Variants in ELMO2 observed in about 807,000 individuals in gnomAD.
The protein encoded by ELMO2 is engulfment and cell motility 2, also known as engulfment and cell motility protein 2.
Under a neutral mutation model 96.2 loss-of-function variants are expected in ELMO2, and 37 were observed. The observed-to-expected ratio is 0.38, with a 90% CI of 0.30 to 0.51. The LOEUF (loss-of-function observed/expected upper bound fraction) is 0.51. Among genes scored for constraint, ELMO2 ranks in the 20% least tolerant of loss-of-function variants. The pLI, the probability that ELMO2 is intolerant of heterozygous loss-of-function variation, is 0.88. For synonymous variants in ELMO2, 315 were observed against 329.4 expected (o/e 0.96, Z 0.47); for missense variants, 561 against 912.6 (o/e 0.61, Z 4.96).
At chr20:46,388,902 A>G (rs182648395) in intron 7 of ELMO2, 137 bp downstream of exon 7, 203 of 795,312 alleles carry the variant, frequency 2.6e-4, no homozygotes, top group Non-Finnish European at 5.6e-5. Flanking sequence ...TATGGACTCT[A>G]GTGCTTGGCA....
intron 2 of ELMO2, among the ~76,000 whole-genome samples, chr20:46,398,098 C>T (rs1325156219): frequency 1.3e-5 from 2 of 152,126 alleles, no homozygotes; most frequent in South Asian, 2.1e-4. Flanking sequence ...AACTCTAAAA[C>T]GGAGGTCTGA....
At chr20:46,403,827 T>C (rs1023453668) in intron 1 of ELMO2, among the ~76,000 whole-genome samples, 1 of 152,214 alleles carries the variant, frequency 6.6e-6, no homozygotes, top group African/African-American at 2.4e-5. Context: ...CTCACGCCTG[T>C]AATCTCAGAA....
chr20:46,376,679 T>C, intron 11 of ELMO2: 4 of 1,289,542 alleles, frequency 3.1e-6, no homozygotes, highest in Non-Finnish European at 4.0e-6. Flanking sequence ...TCCCTTGTAT[T>C]TGTCACTCCC....
chr20:46,372,595 C>T (rs1038823678), intron 16 of ELMO2, among the ~76,000 whole-genome samples: 6 of 152,208 alleles, frequency 3.9e-5, no homozygotes, highest in African/African-American at 1.4e-4. Flanking sequence ...AGTGCCACTG[C>T]ACTCCAGCCT....
chr20:46,392,980 G>T, intron 6 of ELMO2, 113 bp downstream of exon 6: 2 of 943,816 alleles, frequency 2.1e-6, no homozygotes, highest in Non-Finnish European at 3.3e-6. Context: ...GATACAAAAA[G>T]ACTGACTTTC....
At chr20:46,387,180 C>T (rs774239687) in intron 8 of ELMO2, among the ~76,000 whole-genome samples, 158 bp downstream of exon 8, 1 of 152,108 alleles carries the variant, frequency 6.6e-6, no homozygotes. Flanking sequence ...GCAAATCTTT[C>T]AGAAGCCACA....
intron 5 of ELMO2, 45 bp from the exon 6 acceptor site, chr20:46,393,188 T>C: frequency 6.3e-7 from 1 of 1,576,698 alleles, no homozygotes. Context: ...AGATAAAATG[T>C]TAAAGTGGTA....
chr20:46,367,764 T>C (rs1028785853), intron 21 of ELMO2, among the ~76,000 whole-genome samples: 2 of 152,190 alleles, frequency 1.3e-5, no homozygotes, highest in African/African-American at 4.8e-5. Context: ...AGGGGTTTTA[T>C]ATTACAACTC....
At chr20:46,390,146 C>G (rs1254238547) in intron 6 of ELMO2, among the ~76,000 whole-genome samples, 3 of 151,810 alleles carry the variant, frequency 2.0e-5, no homozygotes, top group Admixed American at 1.3e-4. Flanking sequence ...GAGTGAGACT[C>G]CATCTCAAAA....
chr20:46,389,039 T>C lies in ELMO2; in HGVS notation c.425A>G (p.His142Arg). Reference protein sequence around the residue: ...LVESGTKLLSHYSEMLAFTLT... With the variant: ...LVESGTKLLSRYSEMLAFTLT... ...GGAACGAGACCTTAGTCATACTCACTGGGACAAGAGCTTGGTTCCACTTTC... is the reference window on the plus strand; with the variant it reads ...GGAACGAGACCTTAGTCATACTCACCGGGACAAGAGCTTGGTTCCACTTTC... The change falls in exon 7 of 22, where the codon CAC (histidine) becomes CGC (arginine). Residue 142 changes from histidine to arginine, a missense_variant and splice_region_variant. By Grantham distance (29) the His-to-Arg change is conservative. Coordinates refer to ENST00000290246, the MANE Select transcript of ELMO2 (RefSeq NM_133171.5). 6.2e-7 allele frequency: 1 copy of C among 1,613,292 alleles called. No individual in the cohort carries two copies. The highest frequency in any genetic ancestry group is 1.3e-5 in the African/African-American group (1 of 75,020).
intron 10 of ELMO2, chr20:46,382,323 G>C (rs924473727): frequency 1.6e-6 from 2 of 1,233,368 alleles, no homozygotes; most frequent in African/African-American, 3.1e-5. Context: ...CGGGAAGGCA[G>C]ATTAACAGAG....
At chr20:46,401,697 T>C (rs916416486) in intron 1 of ELMO2, among the ~76,000 whole-genome samples, 3 of 152,180 alleles carry the variant, frequency 2.0e-5, no homozygotes, top group Non-Finnish European at 4.4e-5. Context: ...AGACCACCTG[T>C]TCCCTGAAAA....
intron 10 of ELMO2, among the ~76,000 whole-genome samples, chr20:46,382,858 AGGAAGATG>A (rs2059980865): frequency 6.6e-6 from 1 of 152,242 alleles, no homozygotes; most frequent in Non-Finnish European, 1.5e-5. Context: ...GAACAGGGGA[AGGAAGATG>A]TTTAGAATCT....
intron 8 of ELMO2, 105 bp from the exon 9 acceptor site, chr20:46,386,380 G>A (rs1181791477): frequency 1.6e-5 from 23 of 1,483,084 alleles, no homozygotes; most frequent in Non-Finnish European, 1.9e-5. Context: ...TCACATTTGG[G>A]CAGCTGTTGC....
intron 2 of ELMO2, among the ~76,000 whole-genome samples, chr20:46,397,800 G>A (rs1418389013): frequency 5.3e-5 from 8 of 152,162 alleles, no homozygotes; most frequent in Admixed American, 2.6e-4. Context: ...CCAAAGATCC[G>A]TACGAGCCAA....
At chr20:46,402,228 T>A (rs2060348345) in intron 1 of ELMO2, among the ~76,000 whole-genome samples, 1 of 152,048 alleles carries the variant, frequency 6.6e-6, no homozygotes. Context: ...TCATGAAGCC[T>A]AAGTCTATTC....
rs940745356 is a variant in ELMO2, at chr20:46,395,475, C to A, written c.-50-943G>T. Among the ~76,000 whole-genome samples, 8 of 152,190 alleles carry A rather than the reference C, an allele frequency of 5.3e-5. 1 individual carries two copies. In the East Asian group the frequency reaches 7.7e-4, roughly 15 times the overall value. ...GAGGCCCCTCTCTTAATGAAAAAGA[C>A]CTTTCTGCATCCTCCAGGTTTAGCC... On this transcript the variant is annotated intron_variant, in intron 2 of 21. Transcript: ENST00000290246.
chr20:46,377,028 C>G (rs2059873384), intron 11 of ELMO2: 2 of 309,916 alleles, frequency 6.5e-6, no homozygotes, highest in Non-Finnish European at 1.3e-5. Flanking sequence ...CTCTAGAGCG[C>G]TCTGACTTTA....
chr20:46,372,511 G>A (rs146820823), intron 16 of ELMO2, among the ~76,000 whole-genome samples: 21 of 152,268 alleles, frequency 1.4e-4, no homozygotes, highest in African/African-American at 5.1e-4. Flanking sequence ...CACGCCTGTA[G>A]TCCCAGCTAC....
Sources: gnomAD v4.1 joint callset for allele counts (sites outside exome capture counted in the v4.1 genomes callset) on GRCh38, gnomAD v4.1.1 for gene constraint, MANE v1.5 for transcripts, NCBI Gene and HGNC (gene_info 2026-07-23, HGNC 2026-07-21) for gene names.